The following SULT1A1 variants were observed in gnomAD, a reference collection of about 807,000 sequenced individuals.
SULT1A1 encodes sulfotransferase family 1A member 1, also known as sulfotransferase 1A1.
SULT1A1 carries 35 observed loss-of-function variants against 36.8 expected under a neutral mutation model. The observed-to-expected ratio is 0.95, with a 90% CI of 0.73 to 1.26. The LOEUF (loss-of-function observed/expected upper bound fraction) is 1.26, where lower values mean the gene tolerates loss of function less well. Among genes scored for constraint, SULT1A1 ranks in the 50% most tolerant of loss-of-function variants. SULT1A1 has a pLI of 0.00. For synonymous variants in SULT1A1, 119 were observed against 146.0 expected, an observed-to-expected ratio of 0.82 and a Z score of 1.33; for missense variants, 309 against 383.0, an observed-to-expected ratio of 0.81 and a Z score of 1.61.
At chr16:28,618,682 G>T (rs1457438138) in intron 2 of SULT1A1, among the ~76,000 whole-genome samples, 1 of 152,052 alleles carries the variant, frequency 6.6e-6, no homozygotes, top group East Asian at 1.9e-4. Context: ...TATTTGTGCC[G>T]AGCAAACAGT....
rs1567311601 is a variant in SULT1A1 at position 28,609,995 on chromosome 16, T to TG, written c.-70dup. The TG allele has an allele frequency of 2.0e-5, 26 of 1,284,978 alleles. No individual in the cohort carries two copies. The South Asian group carries it at 3.2e-4, about 16-fold the overall frequency. The allele number at this position is 1,284,978 out of a possible 1,614,324, so 79.6% of individuals were successfully genotyped here. A position where few individuals can be genotyped will look rare whatever the true frequency, so the allele number is the denominator to read the frequency against. On this transcript the variant is annotated 5_prime_UTR_variant, in exon 1 of 8. Transcript: ENST00000314752. The stretch of plus-strand genomic sequence containing the variant: ...GCAGTGGCTGATTGTGGGTGTTGTG[T>TG]GGGGAATGCAGGGTTGTTCTCTGAG...
intron 2 of SULT1A1, chr16:28,620,046 T>C: frequency 6.2e-7 from 1 of 1,609,816 alleles, no homozygotes; most frequent in Non-Finnish European, 8.5e-7. Context: ...GATAACATTT[T>C]CAAACGCCTG....
chr16:28,609,863 T>C, intron 1 of SULT1A1, 68 bp downstream of exon 1: 1 of 1,229,702 alleles, frequency 8.1e-7, no homozygotes, highest in Non-Finnish European at 1.0e-6. Flanking sequence ...GGCCTCAGCT[T>C]CTGGAATGTT....
Position 28,606,982 on chromosome 16 carries a change from G to C in SULT1A1, c.468C>G (p.Asp156Glu), listed in dbSNP as rs370484353. The C allele has an allele frequency of 6.2e-6, 10 of 1,612,400 alleles. No individual in the cohort carries two copies. In the African/African-American group the frequency reaches 8.0e-5, roughly 13 times the overall value. The change falls in exon 5 of 8, where the codon GAC (aspartate) becomes GAG (glutamate). Residue 156 changes from aspartate to glutamate, a missense_variant. Asp to Glu is a conservative substitution (Grantham distance 45). Transcript: ENST00000314752. Reference sequence around the variant, plus strand: ...CGACCATGAACTTCTCCAGGAAGCTGTCCCAGGTCCCAGGCTCAGGGTGCA... The same window carrying C: ...CGACCATGAACTTCTCCAGGAAGCTCTCCCAGGTCCCAGGCTCAGGGTGCA... Reference protein sequence around the residue: ...AKVHPEPGTWDSFLEKFMVGE... With the variant: ...AKVHPEPGTWESFLEKFMVGE...
chr16:28,616,369 C>T (rs2047547122), intron 2 of SULT1A1, among the ~76,000 whole-genome samples: 1 of 152,134 alleles, frequency 6.6e-6, no homozygotes, highest in South Asian at 2.1e-4. Context: ...TGCCTCGGTG[C>T]CTGGGTGGCT....
Position 28,608,396 on chromosome 16 carries a change from G to A in SULT1A1, c.275-8C>T. ...CTTTCAGAGTCTCCATCCCTGAGCAGTGGGTCAGGGAAGGTCTGGTGAGCT... is the reference window on the plus strand; with the variant it reads ...CTTTCAGAGTCTCCATCCCTGAGCAATGGGTCAGGGAAGGTCTGGTGAGCT... On this transcript the variant is annotated splice_polypyrimidine_tract_variant and splice_region_variant and intron_variant, in intron 3 of 7. Coordinates refer to ENST00000314752, the MANE Select transcript of SULT1A1 (RefSeq NM_001055.4). 2 of 1,612,450 alleles carry A rather than the reference G, an allele frequency of 1.2e-6. No individual in the cohort carries two copies. Among genetic ancestry groups the A allele is most frequent in the South Asian group, 2.2e-5 (2 of 91,014 alleles).
intron 2 of SULT1A1, chr16:28,620,058 C>G (rs777447288): frequency 2.5e-6 from 4 of 1,612,088 alleles, no homozygotes; most frequent in Non-Finnish European, 3.4e-6. Flanking sequence ...AAACGCCTGT[C>G]TTACCATATA....
intron 1 of SULT1A1, among the ~76,000 whole-genome samples, chr16:28,622,428 GGA>G (rs1338340341): frequency 6.6e-6 from 1 of 152,136 alleles, no homozygotes. Flanking sequence ...GATTTTCTAA[GGA>G]GAGGGTTCCC....
At chr16:28,608,250 G>T (rs755273882) in intron 4 of SULT1A1, 41 bp downstream of exon 4, 2 of 1,608,276 alleles carry the variant, frequency 1.2e-6, no homozygotes, top group African/African-American at 2.7e-5. Context: ...GCCTCCCAAA[G>T]TGCTGGGATT....
At position 28,608,534 on chromosome 16, in the gene SULT1A1, G is replaced by C. The variant is rs762954990; in HGVS notation, c.218C>G (p.Ala73Gly). ...QGGDLEKCHR[A>G]PIFMRVPFLE... ...GAAGGGCACCCGCATGAAGATGGGA[G>C]CTCGGTGACACTTCTCCAGGTCACC... Residue 73 changes from alanine (A) to glycine (G), a missense_variant, in exon 3 of 8, where the codon GCT becomes GGT. Coordinates refer to ENST00000314752, the MANE Select transcript of SULT1A1 (RefSeq NM_001055.4). 6.2e-7 allele frequency: 1 copy of C among 1,612,386 alleles called. No individual in the cohort carries two copies. Among genetic ancestry groups the C allele is most frequent in the Non-Finnish European group, 8.5e-7 (1 of 1,178,724 alleles).
At chr16:28,615,961 A>G (rs1252937995) in intron 2 of SULT1A1, among the ~76,000 whole-genome samples, 5 of 152,234 alleles carry the variant, frequency 3.3e-5, no homozygotes, top group Non-Finnish European at 7.3e-5. Flanking sequence ...GTACAGGATG[A>G]AACATGAAGG....
intron 2 of SULT1A1, chr16:28,620,020 C>A (rs370595626): frequency 1.4e-4 from 218 of 1,526,280 alleles, no homozygotes; most frequent in Non-Finnish European, 2.8e-5. Context: ...TGTATATACA[C>A]ACACAAAAAG....
Position 28,606,875 on chromosome 16 carries a change from G to A in SULT1A1, c.500-20C>T. The A allele has an allele frequency of 6.2e-7, 1 of 1,612,474 alleles. No individual in the cohort carries two copies. Among genetic ancestry groups the A allele is most frequent in the South Asian group, 1.1e-5 (1 of 91,030 alleles). On this transcript the variant is annotated intron_variant, in intron 5 of 7. Coordinates refer to ENST00000314752, the MANE Select transcript of SULT1A1 (RefSeq NM_001055.4). ...AGGACACTGGAGAAGCAGGCAAGGG[G>A]TGCCAACACAGGGTTGCTGTGCGTT... is the stretch of plus-strand genomic sequence containing the variant.
chr16:28,619,765 G>C (rs1347023582), intron 2 of SULT1A1, among the ~76,000 whole-genome samples: 1 of 47,528 alleles, frequency 2.1e-5, no homozygotes, highest in African/African-American at 6.6e-5. Flanking sequence ...TATATATATA[G>C]ACACACACAC....
chr16:28,610,264 G>GGTTTTTTTTTTTTTTTTTTTTT, upstream of SULT1A1: 1 of 346,648 alleles, frequency 2.9e-6, no homozygotes, highest in Non-Finnish European at 4.3e-6. Context: ...TTTTTTTTCT[G>GGTTTTTTTTTTTTTTTTTTTTT]TTTTTTTTTT....
intron 2 of SULT1A1, chr16:28,619,993 T>TTGTGTGTGTGTG: frequency 6.3e-6 from 7 of 1,119,772 alleles, no homozygotes; most frequent in South Asian, 5.7e-5. Context: ...GTATTGTATA[T>TTGTGTGTGTGTG]TGTGTGTGTG....
At chr16:28,610,264 GTTTTTTTT>G (rs538720119), upstream of SULT1A1, 3,744 of 348,926 alleles carry the variant, frequency 0.011, 15 homozygotes, top group African/African-American at 0.02. Context: ...TTTTTTTTCT[GTTTTTTTT>G]TTTTTTTTTT....
In SULT1A1 at chr16:28,609,951, C is replaced by T. The variant is rs565930677; in HGVS notation, c.-25G>A. On this transcript the variant is annotated 5_prime_UTR_variant, in exon 1 of 8. Coordinates refer to ENST00000314752, the MANE Select transcript of SULT1A1 (RefSeq NM_001055.4). ...CTCACCTGAGCTCTTGGGAACCTGG[C>T]CTCGTGCCCTCCTCGCCCGCAGTGG... 355 of 1,287,916 alleles carry T rather than the reference C, an allele frequency of 2.8e-4. 7 individuals are homozygous for T. The highest frequency in any genetic ancestry group is 6.7e-5 in the Non-Finnish European group (66 of 987,410). 79.8% of individuals were successfully genotyped at this position (1,287,916 alleles called of 1,614,324 possible).
At chr16:28,621,506 A>AAAAAAAAAAAAG (rs1555485637) in intron 1 of SULT1A1, among the ~76,000 whole-genome samples, 5 of 42,458 alleles carry the variant, frequency 1.2e-4, no homozygotes, top group East Asian at 9.9e-4. Flanking sequence ...AAAAAAAAAA[A>AAAAAAAAAAAAG]AAGAAGAAGA....
Sources: allele counts gnomAD v4.1 joint callset (sites outside exome capture counted in the v4.1 genomes callset), GRCh38; gene constraint gnomAD v4.1.1; transcripts MANE v1.5; gene names NCBI Gene and HGNC (gene_info 2026-07-23, HGNC 2026-07-21).